Variants in DLG2 observed in about 807,000 individuals in gnomAD.
The protein encoded by DLG2 is disks large homolog 2.
A neutral mutation model predicts 132.5 loss-of-function variants in DLG2; 45 were observed. The observed-to-expected ratio is 0.34, with a 90% CI of 0.27 to 0.44. DLG2 has a LOEUF of 0.44. Ranked by LOEUF, DLG2 falls within the 20% of genes least tolerant of loss-of-function variation. The probability of loss-of-function intolerance (pLI) is 1.00; values close to 1 mark genes in which losing one functional copy is unlikely to be tolerated. For missense variants in DLG2, 1,045 were observed against 1,196.9 expected (o/e 0.87, Z 1.87); for synonymous variants, 424 against 419.6 (o/e 1.01, Z -0.13).
intron 7 of DLG2, among the ~76,000 whole-genome samples, chr11:84,461,056 T>C (rs1159955348): frequency 6.6e-6 from 1 of 150,886 alleles, no homozygotes; most frequent in Non-Finnish European, 1.5e-5. Flanking sequence ...TTTCTGGTAG[T>C]TCACAAACTC....
Position 84,751,309 on chromosome 11 carries a change from G to C in DLG2, c.358-216578C>G, listed in dbSNP as rs529490523. ...ACTTAATCCTCAAAAGAACAAATAT[G>C]AGGTGCATATATCACTATCTTCATT... On this transcript the variant is annotated intron_variant, in intron 6 of 27. Coordinates refer to ENST00000376104, the MANE Select transcript of DLG2 (RefSeq NM_001142699.3). 3.9e-5 allele frequency among the ~76,000 whole-genome samples: 6 copies of C among 152,212 alleles called. No homozygotes were observed. The East Asian group carries it at 1.2e-3, about 29-fold the overall frequency.
intron 11 of DLG2, among the ~76,000 whole-genome samples, chr11:84,007,823 T>C (rs2094647954): frequency 6.6e-6 from 1 of 151,686 alleles, no homozygotes. Flanking sequence ...ATCAGGAAAA[T>C]GATATCAAGG....
At position 84,686,114 on chromosome 11, in the gene DLG2, T is replaced by C. The variant is rs557160060; in HGVS notation, c.358-151383A>G. Among the ~76,000 whole-genome samples, 4 of 152,320 alleles carry C rather than the reference T, an allele frequency of 2.6e-5. No homozygotes were observed. The South Asian group carries it at 6.2e-4, about 24-fold the overall frequency. On this transcript the variant is annotated intron_variant, in intron 6 of 27. Transcript: ENST00000376104. ...GTACCTAGTGAGTCAATCGTTTTCA[T>C]GAACAGGACATTTGGCTCGAGCCAG...
At chr11:84,910,174 G>A (rs561032790) in intron 6 of DLG2, among the ~76,000 whole-genome samples, 7 of 152,246 alleles carry the variant, frequency 4.6e-5, no homozygotes, top group South Asian at 2.1e-4. Flanking sequence ...AAGATCAACC[G>A]CCTTGTCTAA....
At chr11:85,544,492 T>C (rs1454772679) in intron 3 of DLG2, among the ~76,000 whole-genome samples, 2 of 152,218 alleles carry the variant, frequency 1.3e-5, no homozygotes, top group Non-Finnish European at 1.5e-5. Flanking sequence ...TTTGATTCCA[T>C]ATGAAATTTA....
chr11:85,046,576 C>G (rs942152063), intron 6 of DLG2, among the ~76,000 whole-genome samples: 1 of 151,678 alleles, frequency 6.6e-6, no homozygotes, highest in Admixed American at 6.6e-5. Context: ...CTCCAAACAT[C>G]AGTTTCATAA....
At chr11:83,805,161 C>A (rs1439063745) in intron 17 of DLG2, among the ~76,000 whole-genome samples, 1 of 152,098 alleles carries the variant, frequency 6.6e-6, no homozygotes, top group East Asian at 1.9e-4. Flanking sequence ...AAATAACAAT[C>A]TATAAGGTGG....
chr11:85,521,708 G>C (rs147123259), intron 3 of DLG2, among the ~76,000 whole-genome samples: 1 of 152,320 alleles, frequency 6.6e-6, no homozygotes, highest in Non-Finnish European at 1.5e-5. Context: ...AGTTCAGGCT[G>C]AGGTGGACTC....
intron 6 of DLG2, among the ~76,000 whole-genome samples, chr11:84,991,523 A>AAAAAAAAG (rs1555331856): frequency 5.3e-4 from 62 of 116,274 alleles, no homozygotes; most frequent in African/African-American, 1.0e-3. Flanking sequence ...AAAAAAAAAA[A>AAAAAAAAG]AAAGAAAGAA....
At chr11:84,111,783 A>G (rs1409939383) in intron 9 of DLG2, among the ~76,000 whole-genome samples, 2 of 152,172 alleles carry the variant, frequency 1.3e-5, no homozygotes, top group Non-Finnish European at 2.9e-5. Flanking sequence ...TGCCATATAC[A>G]TGGGGAACAG....
chr11:84,800,329 A>C (rs1163949718), intron 6 of DLG2, among the ~76,000 whole-genome samples: 1 of 152,184 alleles, frequency 6.6e-6, no homozygotes, highest in Non-Finnish European at 1.5e-5. Flanking sequence ...TGTAAAAATA[A>C]TTTTAAAGAT....
At chr11:85,334,028 C>A (rs1367308799) in intron 3 of DLG2, among the ~76,000 whole-genome samples, 2 of 152,058 alleles carry the variant, frequency 1.3e-5, no homozygotes, top group Non-Finnish European at 2.9e-5. Flanking sequence ...CTTTATACAT[C>A]TGGTAGAATT....
chr11:85,224,505 T>C (rs528568494), intron 4 of DLG2, among the ~76,000 whole-genome samples: 1 of 152,188 alleles, frequency 6.6e-6, no homozygotes, highest in African/African-American at 2.4e-5. Flanking sequence ...ACACTGTTAC[T>C]GTCCAGGCTG....
At chr11:84,795,107 T>C (rs1411686710) in intron 6 of DLG2, among the ~76,000 whole-genome samples, 1 of 152,200 alleles carries the variant, frequency 6.6e-6, no homozygotes, top group African/African-American at 2.4e-5. Flanking sequence ...CACCCATCAC[T>C]GCCTGTGGAC....
chr11:83,800,311 T>C (rs984675639), intron 17 of DLG2, among the ~76,000 whole-genome samples: 3 of 152,216 alleles, frequency 2.0e-5, no homozygotes, highest in Non-Finnish European at 4.4e-5. Context: ...TACCGTCTAA[T>C]GCTTAATAAA....
rs151100245 is a variant in DLG2 at position 83,853,812 on chromosome 11, A to T, written c.1566-20042T>A. Among the ~76,000 whole-genome samples, 198 of 152,260 alleles carry T rather than the reference A, an allele frequency of 1.3e-3. 1 individual carries two copies. Among genetic ancestry groups the T allele is most frequent in the African/African-American group, 4.5e-3 (187 of 41,562 alleles). The stretch of plus-strand genomic sequence containing the variant: ...AAAAACTTGAAGCTTTCCCACTAAG[A>T]TCAGAAACAAGGCAAGAATGTTCCC... On this transcript the variant is annotated intron_variant, in intron 16 of 27. Coordinates refer to ENST00000376104, the MANE Select transcript of DLG2 (RefSeq NM_001142699.3).
chr11:84,567,724 A>G (rs1393801314), intron 6 of DLG2, among the ~76,000 whole-genome samples: 2 of 152,196 alleles, frequency 1.3e-5, no homozygotes, highest in African/African-American at 4.8e-5. Context: ...GTCAATAATT[A>G]TGTCAGAAAG....
chr11:84,828,334 A>C (rs1293086874), intron 6 of DLG2, among the ~76,000 whole-genome samples: 1 of 151,810 alleles, frequency 6.6e-6, no homozygotes, highest in Non-Finnish European at 1.5e-5. Flanking sequence ...GTTATCTTTC[A>C]TGAATAAGGA....
chr11:84,829,631 A>T (rs748041222), intron 6 of DLG2, among the ~76,000 whole-genome samples: 15 of 151,656 alleles, frequency 9.9e-5, no homozygotes, highest in Non-Finnish European at 2.2e-4. Flanking sequence ...TCATTAATTA[A>T]CCTCTCTGAA....
Sources: gnomAD v4.1 joint callset for allele counts (sites outside exome capture counted in the v4.1 genomes callset) on GRCh38, gnomAD v4.1.1 for gene constraint, MANE v1.5 for transcripts, NCBI Gene and HGNC (gene_info 2026-07-23, HGNC 2026-07-21) for gene names.